The following FOXN3 variants were observed in gnomAD, a reference collection of about 807,000 sequenced individuals.
FOXN3 encodes forkhead box protein N3.
A neutral mutation model predicts 38.4 loss-of-function variants in FOXN3; 7 were observed. That is an observed-to-expected ratio of 0.18 (90% CI 0.10 to 0.34). The LOEUF (loss-of-function observed/expected upper bound fraction) is 0.34, where lower values mean the gene tolerates loss of function less well. Ranked by LOEUF, FOXN3 falls within the 10% of genes least tolerant of loss-of-function variation. The pLI is 1.00. For missense variants in FOXN3, 456 were observed against 613.4 expected (o/e 0.74, Z 2.71); for synonymous variants, 230 against 242.2 (o/e 0.95, Z 0.47).
At chr14:89,318,310 C>A (rs560153988) in intron 3 of FOXN3, among the ~76,000 whole-genome samples, 17 of 152,144 alleles carry the variant, frequency 1.1e-4, no homozygotes, top group African/African-American at 4.1e-4. Context: ...AGGTGCCCAC[C>A]ACCATGCCCA....
intron 3 of FOXN3, among the ~76,000 whole-genome samples, chr14:89,347,169 C>G (rs910184913): frequency 6.6e-6 from 1 of 152,128 alleles, no homozygotes; most frequent in South Asian, 2.1e-4. Context: ...CTGAACATGA[C>G]CTTATTTGGG....
chr14:89,330,306 C>T (rs1005308303), intron 3 of FOXN3, among the ~76,000 whole-genome samples: 1 of 152,228 alleles, frequency 6.6e-6, no homozygotes, highest in African/African-American at 2.4e-5. Context: ...ACAGCTTGTA[C>T]GGGCAGAAAT....
chr14:89,608,230 T>C (rs1226340642), intron 1 of FOXN3, among the ~76,000 whole-genome samples: 3 of 152,378 alleles, frequency 2.0e-5, no homozygotes, highest in Non-Finnish European at 4.4e-5. Flanking sequence ...TCTCCCGACC[T>C]CGTGATCTGC....
In FOXN3 at chr14:89,412,129, G is replaced by A; in HGVS notation, c.348C>T (p.Pro116=). 4 of 1,611,796 alleles carry A rather than the reference G, an allele frequency of 2.5e-6. No individual in the cohort carries two copies. Among genetic ancestry groups the A allele is most frequent in the Non-Finnish European group, 3.4e-6 (4 of 1,178,506 alleles). Residue 116 remains proline (P), a synonymous_variant, in exon 2 of 6, where the codon CCC becomes CCT. Transcript: ENST00000557258. The surrounding 1 kb of genome is among the most constrained non-coding windows in gnomAD (Gnocchi z 4.7). ...TAAATATGAGGCAGCTGAAGGAGTA[G>A]GGGGGTTTGCAGTTGGGGTTCTGCC... is the stretch of plus-strand genomic sequence containing the variant. ...DARQNPNCKP[P]YSFSCLIFMA...
chr14:89,388,132 C>T (rs1272904087), intron 2 of FOXN3, among the ~76,000 whole-genome samples: 2 of 152,078 alleles, frequency 1.3e-5, no homozygotes, highest in African/African-American at 2.4e-5. Flanking sequence ...TGCAGTGAGC[C>T]GAGATTGCGA....
intron 2 of FOXN3, among the ~76,000 whole-genome samples, chr14:89,377,888 G>T (rs12435467): frequency 0.022 from 3,391 of 152,256 alleles, 133 homozygotes; most frequent in African/African-American, 0.076. Flanking sequence ...ACTATGACTG[G>T]TGTCCTTCTA....
At chr14:89,420,174 G>T (rs1891865242), upstream of FOXN3, among the ~76,000 whole-genome samples, 1 of 152,218 alleles carries the variant, frequency 6.6e-6, no homozygotes, top group Non-Finnish European at 1.5e-5. Context: ...AGCAAGCCCT[G>T]AGGCCTTCTG....
chr14:89,526,009 G>GAA (rs149239766), intron 1 of FOXN3, among the ~76,000 whole-genome samples: 1 of 145,720 alleles, frequency 6.9e-6, no homozygotes, highest in Admixed American at 6.8e-5. Flanking sequence ...GAACTAAAAA[G>GAA]AAAAAAAAAA....
chr14:89,397,274 G>A (rs562198889), intron 2 of FOXN3, among the ~76,000 whole-genome samples: 65 of 152,048 alleles, frequency 4.3e-4, no homozygotes, highest in African/African-American at 1.5e-3. Context: ...ACACACACTG[G>A]GGCCTATTGG....
intron 1 of FOXN3, among the ~76,000 whole-genome samples, chr14:89,439,353 C>G (rs1892331830): frequency 6.6e-6 from 1 of 152,128 alleles, no homozygotes; most frequent in African/African-American, 2.4e-5. Context: ...GAGGTCAGCA[C>G]AAGATGCAGG....
chr14:89,211,237 G>T (rs975446267), intron 4 of FOXN3, among the ~76,000 whole-genome samples: 1 of 152,212 alleles, frequency 6.6e-6, no homozygotes, highest in African/African-American at 2.4e-5. Context: ...AGCTTTGCAA[G>T]TAAATTCATT....
At chr14:89,223,158 T>C (rs1277875567) in intron 4 of FOXN3, 1 of 152,198 alleles carries the variant, frequency 6.6e-6, no homozygotes, top group Non-Finnish European at 1.5e-5. Context: ...GTGAGGCTTG[T>C]GACTGAGGCA....
intron 1 of FOXN3, among the ~76,000 whole-genome samples, chr14:89,535,509 C>T (rs1251033299): frequency 1.3e-5 from 2 of 152,080 alleles, no homozygotes; most frequent in Non-Finnish European, 2.9e-5. Flanking sequence ...ATAATGCAGC[C>T]TTTTTTTCAC....
chr14:89,218,197 G>T (rs917394956), intron 4 of FOXN3, among the ~76,000 whole-genome samples: 3 of 152,158 alleles, frequency 2.0e-5, no homozygotes, highest in Non-Finnish European at 4.4e-5. Flanking sequence ...TGGGTGTGTG[G>T]GTGGGGATTG....
intron 2 of FOXN3, chr14:89,351,417 T>C (rs1888966787): frequency 6.6e-6 from 1 of 152,212 alleles, no homozygotes; most frequent in South Asian, 2.1e-4. Context: ...AATCCACTAT[T>C]TATTTTTTGG....
intron 1 of FOXN3, among the ~76,000 whole-genome samples, chr14:89,451,868 A>C (rs1472278787): frequency 1.3e-5 from 2 of 152,058 alleles, no homozygotes; most frequent in Admixed American, 6.6e-5. Context: ...GGGGGGCTGC[A>C]GTGTTTCCGG....
At chr14:89,442,105 T>C (rs984709025) in intron 1 of FOXN3, among the ~76,000 whole-genome samples, 11 of 152,054 alleles carry the variant, frequency 7.2e-5, no homozygotes, top group Non-Finnish European at 1.6e-4. Flanking sequence ...TTTGTATTTT[T>C]AGTAGAGATG....
intron 2 of FOXN3, among the ~76,000 whole-genome samples, chr14:89,363,254 G>A (rs914058739): frequency 4.6e-5 from 7 of 152,166 alleles, no homozygotes; most frequent in Admixed American, 3.9e-4. Flanking sequence ...TAGAGGCTGG[G>A]TTCTTGTCAC....
intron 1 of FOXN3, among the ~76,000 whole-genome samples, chr14:89,477,247 A>C (rs1046438611): frequency 6.6e-6 from 1 of 152,090 alleles, no homozygotes; most frequent in African/African-American, 2.4e-5. Context: ...GAAGCTCCCT[A>C]GGGTCCAGAA....
Sources: gnomAD v4.1 joint callset for allele counts (sites outside exome capture counted in the v4.1 genomes callset) on GRCh38, gnomAD v4.1.1 for gene constraint, Gnocchi (gnomAD v3.1) non-coding constraint, MANE v1.5 for transcripts, NCBI Gene and HGNC (gene_info 2026-07-23, HGNC 2026-07-21) for gene names.